PTPN21: variants seen among roughly 807,000 people sequenced by gnomAD.
The protein encoded by PTPN21 is protein tyrosine phosphatase non-receptor type 21.
A neutral mutation model predicts 131.8 loss-of-function variants in PTPN21; 77 were observed. The ratio of observed to expected loss-of-function variants is 0.58; its 90% confidence interval spans 0.49 to 0.71. The LOEUF (loss-of-function observed/expected upper bound fraction) is 0.71, where lower values mean the gene tolerates loss of function less well. Ranked by LOEUF, PTPN21 falls within the 30% of genes least tolerant of loss-of-function variation. The probability of loss-of-function intolerance (pLI) is 0.00; values close to 1 mark genes in which losing one functional copy is unlikely to be tolerated. For synonymous variants in PTPN21, 715 were observed against 621.3 expected, an observed-to-expected ratio of 1.15 and a Z score of -2.24; for missense variants, 1,552 against 1,527.1, an observed-to-expected ratio of 1.02 and a Z score of -0.27.
chr14:88,473,137 C>T (rs1288141366), intron 14 of PTPN21, among the ~76,000 whole-genome samples: 1 of 151,968 alleles, frequency 6.6e-6, no homozygotes, highest in African/African-American at 2.4e-5. Context: ...CATTTTATGT[C>T]ATACGATATA....
intron 2 of PTPN21, among the ~76,000 whole-genome samples, chr14:88,533,757 C>A (rs552851957): frequency 6.6e-6 from 1 of 151,912 alleles, no homozygotes; most frequent in East Asian, 1.9e-4. Flanking sequence ...GTGGTGTAGA[C>A]CCAACTAGGA....
At chr14:88,485,390 C>A (rs58129730) in intron 11 of PTPN21, among the ~76,000 whole-genome samples, 5,596 of 152,154 alleles carry the variant, frequency 0.037, 349 homozygotes, top group African/African-American at 0.13. Context: ...TAGGCTCCAC[C>A]AGAAAATCTG....
At chr14:88,502,436 T>A (rs2078023960) in intron 6 of PTPN21, among the ~76,000 whole-genome samples, 1 of 152,100 alleles carries the variant, frequency 6.6e-6, no homozygotes, top group Non-Finnish European at 1.5e-5. Flanking sequence ...CCCAACACAT[T>A]CCGCCCATAC....
chr14:88,500,114 C>G (rs1048270209), intron 8 of PTPN21, among the ~76,000 whole-genome samples: 2 of 151,048 alleles, frequency 1.3e-5, no homozygotes, highest in East Asian at 3.9e-4. Context: ...AAACTAGAGT[C>G]AAAACAAAGC....
chr14:88,503,443 C>T (rs1327483130), intron 6 of PTPN21, among the ~76,000 whole-genome samples: 1 of 152,106 alleles, frequency 6.6e-6, no homozygotes, highest in Non-Finnish European at 1.5e-5. Context: ...ACAGACAGTC[C>T]TCAACTTACG....
chr14:88,482,316 A>AC (rs1390203842), intron 12 of PTPN21, among the ~76,000 whole-genome samples: 2 of 152,208 alleles, frequency 1.3e-5, no homozygotes, highest in African/African-American at 4.8e-5. Flanking sequence ...AGTCTCGAAC[A>AC]CCAGGCAAAA....
intron 11 of PTPN21, 24 bp downstream of exon 11, chr14:88,485,757 CA>C (rs2077722112): frequency 9.1e-6 from 14 of 1,531,926 alleles, no homozygotes; most frequent in Non-Finnish European, 1.3e-5. Flanking sequence ...AATAAAAAAG[CA>C]ATCATATTTT....
At chr14:88,491,995 C>T (rs1338200504) in intron 10 of PTPN21, among the ~76,000 whole-genome samples, 1 of 151,656 alleles carries the variant, frequency 6.6e-6, no homozygotes, top group Non-Finnish European at 1.5e-5. Context: ...TTTCCCTCTT[C>T]CCTCTTTTAC....
chr14:88,547,856 C>G (rs969449704), intron 2 of PTPN21, among the ~76,000 whole-genome samples: 1 of 152,166 alleles, frequency 6.6e-6, no homozygotes, highest in Non-Finnish European at 1.5e-5. Flanking sequence ...CTCACTTAGG[C>G]TGATACTTCC....
At chr14:88,532,257 T>G (rs1370268414) in intron 2 of PTPN21, among the ~76,000 whole-genome samples, 2 of 152,080 alleles carry the variant, frequency 1.3e-5, no homozygotes, top group Non-Finnish European at 2.9e-5. Context: ...CCTAAATCAT[T>G]CTATGAAGCC....
intron 5 of PTPN21, 112 bp from the exon 6 acceptor site, chr14:88,504,607 A>G (rs962666730): frequency 7.6e-6 from 6 of 794,478 alleles, no homozygotes; most frequent in Admixed American, 1.9e-5. Flanking sequence ...AATTATGACT[A>G]TTGTTACTAT....
chr14:88,518,273 T>TATACATACAC (rs763756368), intron 2 of PTPN21, among the ~76,000 whole-genome samples: 1 of 68,242 alleles, frequency 1.5e-5, no homozygotes, highest in African/African-American at 7.2e-5. Flanking sequence ...TATATATATA[T>TATACATACAC]ACACACACAC....
At chr14:88,522,323 G>A (rs2078407233) in intron 2 of PTPN21, among the ~76,000 whole-genome samples, 1 of 151,306 alleles carries the variant, frequency 6.6e-6, no homozygotes, top group Non-Finnish European at 1.5e-5. Context: ...AGCTACTCAG[G>A]AGGCTGAGAC....
At position 88,485,093 on chromosome 14, in the gene PTPN21, G is replaced by A; in HGVS notation, c.1061C>T (p.Pro354Leu). The A allele has an allele frequency of 6.2e-7, 1 of 1,602,546 alleles. No individual in the cohort carries two copies. Among genetic ancestry groups the A allele is most frequent in the Non-Finnish European group, 8.6e-7 (1 of 1,169,572 alleles). Residue 354 changes from proline to leucine, a missense_variant, in exon 12 of 19, where the codon CCA (proline) becomes CTA (leucine). Pro to Leu is a moderately conservative substitution (Grantham distance 98). Around this residue, in one of 4 missense-constraint regions of PTPN21, gnomAD observed 1,016 missense variants for 883.5 expected, o/e 1.15. Transcript: ENST00000556564. ...TACTTTACCTTGGGAAGAAGCATAT[G>A]GTTCTGTATAATGTCCATTATAGTG... ...QLHYNGHYTE[P>L]YASSQDNLFV... is the part of the protein sequence containing the mutation.
At chr14:88,542,734 T>C (rs917329048) in intron 2 of PTPN21, among the ~76,000 whole-genome samples, 11 of 152,196 alleles carry the variant, frequency 7.2e-5, no homozygotes, top group Non-Finnish European at 1.3e-4. Context: ...AGAAGAAAAG[T>C]AACAAAACCT....
In PTPN21 at chr14:88,485,100, T is replaced by C; in HGVS notation, c.1054A>G (p.Thr352Ala). Residue 352 changes from threonine to alanine, a missense_variant, in exon 12 of 19, where the codon ACA becomes GCA. Physicochemically the swap from Thr to Ala is moderately conservative, Grantham distance 58. Coordinates refer to ENST00000556564, the MANE Select transcript of PTPN21 (RefSeq NM_007039.4). ...PPQLHYNGHY[T>A]EPYASSQDNL... Reference sequence around the variant, plus strand: ...CCTTGGGAAGAAGCATATGGTTCTGTATAATGTCCATTATAGTGCAACTGC... The same window carrying C: ...CCTTGGGAAGAAGCATATGGTTCTGCATAATGTCCATTATAGTGCAACTGC... 1 of 1,608,038 alleles carries C rather than the reference T, an allele frequency of 6.2e-7. No homozygotes were observed. The highest frequency in any genetic ancestry group is 1.3e-5 in the African/African-American group (1 of 74,860).
chr14:88,526,773 T>C (rs1295087452), intron 2 of PTPN21, among the ~76,000 whole-genome samples: 1 of 152,128 alleles, frequency 6.6e-6, no homozygotes, highest in Non-Finnish European at 1.5e-5. Flanking sequence ...GTGTACACTG[T>C]ACCCAATCTG....
In PTPN21 at chr14:88,469,106, C is replaced by T. The variant is rs755925226; in HGVS notation, c.3236-30G>A. The stretch of plus-strand genomic sequence containing the variant: ...GGAAAATCAATGAAATAGAAAAGTA[C>T]TCAAGGATCAAGGCGTATCACATTG... On this transcript the variant is annotated intron_variant, in intron 17 of 18. Transcript: ENST00000556564. The surrounding 1 kb of genome is among the most constrained non-coding windows in gnomAD (Gnocchi z 4.3). 1.9e-6 allele frequency: 3 copies of T among 1,595,364 alleles called. No individual in the cohort carries two copies. The highest frequency in any genetic ancestry group is 2.6e-6 in the Non-Finnish European group (3 of 1,166,706).
chr14:88,539,380 G>A (rs972404896), intron 2 of PTPN21, among the ~76,000 whole-genome samples: 1 of 151,866 alleles, frequency 6.6e-6, no homozygotes, highest in Non-Finnish European at 1.5e-5. Context: ...CTCCTGACTA[G>A]CTGGGATTAC....
Sources: allele counts gnomAD v4.1 joint callset (sites outside exome capture counted in the v4.1 genomes callset), GRCh38; gene constraint gnomAD v4.1.1; regional missense constraint gnomAD v4.1.1; non-coding constraint Gnocchi (gnomAD v3.1); transcripts MANE v1.5; gene names NCBI Gene and HGNC (gene_info 2026-07-23, HGNC 2026-07-21).